FGF10: variants seen among roughly 807,000 people sequenced by gnomAD.
FGF10 encodes fibroblast growth factor 10.
FGF10 carries 2 observed loss-of-function variants against 19.8 expected under a neutral mutation model. The observed-to-expected ratio is 0.10, with a 90% confidence interval of 0.04 to 0.32. FGF10 has a LOEUF of 0.32. Ranked by LOEUF, FGF10 falls within the 10% of genes least tolerant of loss-of-function variation. The probability of loss-of-function intolerance (pLI) is 1.00; values close to 1 mark genes in which losing one functional copy is unlikely to be tolerated. For synonymous variants in FGF10, 112 were observed against 94.0 expected (o/e 1.19, Z -1.10); for missense variants, 191 against 246.3 (o/e 0.78, Z 1.50).
chr5:44,376,512 A>AAAAC (rs1741865562), intron 1 of FGF10, among the ~76,000 whole-genome samples: 4 of 139,632 alleles, frequency 2.9e-5, no homozygotes, highest in Non-Finnish European at 4.6e-5. Flanking sequence ...AAAAAAAAAA[A>AAAAC]AAAAACAAAA....
Position 44,304,620 on chromosome 5 carries a change from A to T in FGF10, c.*375T>A, listed in dbSNP as rs1231002989. The T allele has an allele frequency of 3.8e-6, 1 of 265,370 alleles. No individual in the cohort carries two copies. Among genetic ancestry groups the T allele is most frequent in the African/African-American group, 2.2e-5 (1 of 44,662 alleles). 16.4% of individuals were successfully genotyped at this position (265,370 alleles called of 1,614,324 possible). A position where few individuals can be genotyped will look rare whatever the true frequency, so the allele number is the denominator to read the frequency against. On this transcript the variant is annotated 3_prime_UTR_variant, in exon 3 of 3. Transcript: ENST00000264664. ...AATGAAGTCTTTGATATGAGTTCGT[A>T]TTCCATAAATAACTTTCCCGAAGAT...
At chr5:44,315,533 A>G (rs893852352) in intron 1 of FGF10, among the ~76,000 whole-genome samples, 1 of 151,778 alleles carries the variant, frequency 6.6e-6, no homozygotes, top group African/African-American at 2.4e-5. Flanking sequence ...TGTACTTTCC[A>G]AAAAAAAATT....
intron 1 of FGF10, among the ~76,000 whole-genome samples, chr5:44,356,368 C>T (rs1741347805): frequency 6.6e-6 from 1 of 151,468 alleles, no homozygotes; most frequent in African/African-American, 2.4e-5. Context: ...ATTTTATTAG[C>T]TGATCTACCT....
At chr5:44,321,700 G>A (rs1579903287) in intron 1 of FGF10, among the ~76,000 whole-genome samples, 2 of 152,224 alleles carry the variant, frequency 1.3e-5, no homozygotes, top group African/African-American at 2.4e-5. Flanking sequence ...CCACATTAAA[G>A]TACATGCTCT....
intron 1 of FGF10, among the ~76,000 whole-genome samples, chr5:44,332,061 T>G (rs1285170733): frequency 6.6e-6 from 1 of 152,140 alleles, no homozygotes; most frequent in Non-Finnish European, 1.5e-5. Flanking sequence ...AATAGATGTG[T>G]AAAGCACAAG....
intron 1 of FGF10, among the ~76,000 whole-genome samples, chr5:44,352,212 AT>A (rs1741249783): frequency 6.6e-6 from 1 of 151,616 alleles, no homozygotes; most frequent in South Asian, 2.1e-4. Flanking sequence ...CAGGGTGAGG[AT>A]TTGAGGGACT....
At chr5:44,308,283 A>G (rs17234555) in intron 2 of FGF10, among the ~76,000 whole-genome samples, 1,613 of 152,350 alleles carry the variant, frequency 0.011, 28 homozygotes, top group African/African-American at 0.037. Context: ...TTTTTATGTC[A>G]GAGTTTATTT....
Position 44,304,979 on chromosome 5 carries a change from C to T in FGF10, c.*16G>A, listed in dbSNP as rs1561194921. The T allele has an allele frequency of 6.2e-7, 1 of 1,613,400 alleles. No individual in the cohort carries two copies. On this transcript the variant is annotated 3_prime_UTR_variant, in exon 3 of 3. Coordinates refer to ENST00000264664, the MANE Select transcript of FGF10 (RefSeq NM_004465.2). ...AGAGCCATTGGTTCTACTGCATCCA[C>T]AAACGTTGCCTTCCTCTATGAGTGT... is the stretch of plus-strand genomic sequence containing the variant.
intron 1 of FGF10, among the ~76,000 whole-genome samples, chr5:44,346,245 T>C (rs1340679906): frequency 6.6e-6 from 1 of 151,794 alleles, no homozygotes; most frequent in Non-Finnish European, 1.5e-5. Context: ...CTCTTTCACT[T>C]CTCTACAGCT....
chr5:44,363,341 T>C (rs866125898), intron 1 of FGF10, among the ~76,000 whole-genome samples: 7 of 151,790 alleles, frequency 4.6e-5, no homozygotes, highest in Admixed American at 6.6e-5. Context: ...GAAACTTAGA[T>C]AAATGGAAGA....
At chr5:44,363,997 G>T (rs1192273986) in intron 1 of FGF10, among the ~76,000 whole-genome samples, 1 of 151,660 alleles carries the variant, frequency 6.6e-6, no homozygotes, top group Non-Finnish European at 1.5e-5. Flanking sequence ...ATATATTTCA[G>T]ACACTCACAA....
At chr5:44,306,349 A>T (rs1740075591) in intron 2 of FGF10, among the ~76,000 whole-genome samples, 2 of 152,208 alleles carry the variant, frequency 1.3e-5, no homozygotes, top group African/African-American at 2.4e-5. Flanking sequence ...GTGAGCCGAG[A>T]TCATTCCACT....
At chr5:44,367,122 G>T (rs546030335) in intron 1 of FGF10, among the ~76,000 whole-genome samples, 1 of 152,120 alleles carries the variant, frequency 6.6e-6, no homozygotes, top group South Asian at 2.1e-4. Context: ...TGAAAGAACT[G>T]ATAGAAAATG....
Position 44,302,275 on chromosome 5 carries a change from T to TTTCC in FGF10, c.*2716_*2719dup, listed in dbSNP as rs1389266344. ...CCTCCCTTCTTTCCTTCCTTCCTTC[T>TTTCC]TTCCTTGCTTCCTTCCTTCCTTCCT... On this transcript the variant is annotated 3_prime_UTR_variant, in exon 3 of 3. Transcript: ENST00000264664. Among the ~76,000 whole-genome samples the TTTCC allele has an allele frequency of 1.1e-4, 15 of 136,456 alleles. No homozygotes were observed. The highest frequency in any genetic ancestry group is 5.0e-4 in the South Asian group (2 of 3,986). 89.5% of individuals were successfully genotyped at this position (136,456 alleles called of 152,430 possible). A position where few individuals can be genotyped will look rare whatever the true frequency, so the allele number is the denominator to read the frequency against.
intron 1 of FGF10, among the ~76,000 whole-genome samples, chr5:44,388,088 G>A (rs995522084): frequency 1.3e-5 from 2 of 151,794 alleles, no homozygotes; most frequent in Non-Finnish European, 2.9e-5. Context: ...CGCCCTGCGT[G>A]GTCCGGCTAG....
intron 1 of FGF10, 98 bp downstream of exon 1, chr5:44,388,260 G>A: frequency 8.9e-7 from 1 of 1,119,910 alleles, no homozygotes; most frequent in East Asian, 2.3e-5. Flanking sequence ...GGTTGGGGAC[G>A]TAAATATTTA....
chr5:44,322,147 G>C (rs1463935549), intron 1 of FGF10, among the ~76,000 whole-genome samples: 1 of 152,156 alleles, frequency 6.6e-6, no homozygotes, highest in Non-Finnish European at 1.5e-5. Flanking sequence ...AACTACTCCA[G>C]AGATTTTTAG....
chr5:44,363,942 A>C (rs1741547330), intron 1 of FGF10, among the ~76,000 whole-genome samples: 1 of 151,842 alleles, frequency 6.6e-6, no homozygotes, highest in African/African-American at 2.4e-5. Flanking sequence ...GCACCTGGTA[A>C]TAAACAAGAC....
At chr5:44,376,596 TCTTCACAGTGAAATATACATATTAAGAA>T (rs1308535825) in intron 1 of FGF10, among the ~76,000 whole-genome samples, 1 of 141,782 alleles carries the variant, frequency 7.1e-6, no homozygotes, top group African/African-American at 2.5e-5. Flanking sequence ...TTACAAAACC[TCTTCACAGTGAAATATACATATTAAGAA>T]CTTTTGAAGT....
Sources: allele counts gnomAD v4.1 joint callset (sites outside exome capture counted in the v4.1 genomes callset), GRCh38; gene constraint gnomAD v4.1.1; transcripts MANE v1.5; gene names NCBI Gene and HGNC (gene_info 2026-07-23, HGNC 2026-07-21).